SETD4: variants seen among roughly 807,000 people sequenced by gnomAD.
SETD4 encodes the protein SET domain containing 4.
SETD4 carries 46 observed loss-of-function variants against 58.3 expected under a neutral mutation model. The ratio of observed to expected loss-of-function variants is 0.79; its 90% confidence interval spans 0.62 to 1.01. SETD4 has a LOEUF of 1.01. SETD4 is among the 50% of genes least tolerant of loss of function. The pLI is 0.00. For missense variants in SETD4, 490 were observed against 523.3 expected (o/e 0.94, Z 0.62); for synonymous variants, 190 against 202.6 (o/e 0.94, Z 0.53).
intron 5 of SETD4, 108 bp from the exon 6 acceptor site, chr21:36,046,119 A>G: frequency 8.7e-7 from 1 of 1,150,848 alleles, no homozygotes; most frequent in South Asian, 1.6e-5. Context: ...CTGTCAACAC[A>G]CTCAGTTTAC....
chr21:36,036,466 T>C (rs1472869477), intron 10 of SETD4: 1 of 313,482 alleles, frequency 3.2e-6, no homozygotes, highest in East Asian at 1.7e-4. Context: ...TATTCCCCTC[T>C]TCCCCAAACC....
intron 9 of SETD4, among the ~76,000 whole-genome samples, chr21:36,038,623 T>C (rs2063895906): frequency 6.6e-6 from 1 of 150,458 alleles, no homozygotes; most frequent in South Asian, 2.1e-4. Flanking sequence ...GGAGGGCGAG[T>C]CCACAGCCGA....
At chr21:36,057,437 G>A in intron 2 of SETD4, 2 of 682,788 alleles carry the variant, frequency 2.9e-6, no homozygotes, top group Admixed American at 4.7e-5. Flanking sequence ...TTGAGGCCAG[G>A]AGTTTGAGCC....
In SETD4 at chr21:36,038,951, G is replaced by C. The variant is rs139543051; in HGVS notation, c.1065-678C>G. On this transcript the variant is annotated intron_variant, in intron 9 of 11. Transcript: ENST00000332131. ...AAAGAAGAACTACCGGGAGAAAGAC[G>C]ACGGAGGACCGGATTCTGAACACCG... is the stretch of plus-strand genomic sequence containing the variant. 2.6e-5 allele frequency among the ~76,000 whole-genome samples: 4 copies of C among 152,218 alleles called. 1 individual carries two copies. In the South Asian group the frequency reaches 8.3e-4, roughly 32 times the overall value.
intron 5 of SETD4, among the ~76,000 whole-genome samples, chr21:36,047,181 G>C (rs557874914): frequency 6.7e-4 from 102 of 152,228 alleles, no homozygotes; most frequent in African/African-American, 2.3e-3. Context: ...CTTGAACCCG[G>C]AAGGTGGAGG....
intron 3 of SETD4, among the ~76,000 whole-genome samples, chr21:36,054,106 T>C (rs1306780012): frequency 6.6e-6 from 1 of 152,088 alleles, no homozygotes; most frequent in Non-Finnish European, 1.5e-5. Context: ...CCTGCAGACA[T>C]CCTCCCCTCT....
At chr21:36,037,189 A>C (rs1470050410) in intron 10 of SETD4, among the ~76,000 whole-genome samples, 1 of 152,216 alleles carries the variant, frequency 6.6e-6, no homozygotes, top group African/African-American at 2.4e-5. Context: ...TCTCACCACA[A>C]AAAAAATAAG....
rs2064227929 is a variant in SETD4 at position 36,044,728 on chromosome 21, A to G, written c.727-772T>C. Among the ~76,000 whole-genome samples, 5 of 152,204 alleles carry G rather than the reference A, an allele frequency of 3.3e-5. No individual in the cohort carries two copies. The South Asian group carries it at 1.0e-3, about 32-fold the overall frequency. ...CCCTAAGCTCTGATCTCACGTAGAG[A>G]GCACGAAAGCTTAGCACGTGGGCTC... On this transcript the variant is annotated intron_variant, in intron 6 of 11. Coordinates refer to ENST00000332131, the MANE Select transcript of SETD4 (RefSeq NM_017438.5).
chr21:36,051,301 T>G (rs2835257), intron 4 of SETD4: 28,602 of 1,590,096 alleles, frequency 0.018, 847 homozygotes, highest in African/African-American at 0.13. Context: ...GAGCGAGAGC[T>G]GCTCACCAAA....
intron 2 of SETD4, chr21:36,057,477 TC>T: frequency 6.7e-6 from 4 of 593,932 alleles, no homozygotes. Context: ...AGACCCCATC[TC>T]TTAAAAAAAA....
Position 36,048,547 on chromosome 21 carries a change from C to T in SETD4, c.208-151G>A. 7.3e-6 allele frequency: 5 copies of T among 688,986 alleles called. 1 individual carries two copies. In the South Asian group the frequency reaches 8.5e-5, roughly 12 times the overall value. The allele number at this position is 688,986 out of a possible 1,614,324, so 42.7% of individuals were successfully genotyped here. Reference sequence around the variant, plus strand: ...ACCAATGAGCCTACCAATGGAGTCGCTCCCAACTCTGCGAGTCAGCAGATG... The same window carrying T: ...ACCAATGAGCCTACCAATGGAGTCGTTCCCAACTCTGCGAGTCAGCAGATG... On this transcript the variant is annotated intron_variant, in intron 4 of 11. Transcript: ENST00000332131.
At chr21:36,049,092 C>T (rs1244050093) in intron 4 of SETD4, among the ~76,000 whole-genome samples, 2 of 152,152 alleles carry the variant, frequency 1.3e-5, no homozygotes, top group East Asian at 1.9e-4. Flanking sequence ...CAGTAAGCGT[C>T]GAACTCTACC....
chr21:36,056,406 A>C (rs1442218769), intron 3 of SETD4, among the ~76,000 whole-genome samples: 2 of 152,186 alleles, frequency 1.3e-5, no homozygotes, highest in African/African-American at 2.4e-5. Context: ...GTGCTACAGC[A>C]GACTCCAAAT....
intron 7 of SETD4, chr21:36,042,113 C>T (rs559906831): frequency 6.0e-6 from 2 of 334,684 alleles, no homozygotes; most frequent in East Asian, 7.1e-5. Context: ...ACTAAACACG[C>T]ATAACCTCAG....
chr21:36,057,432 GCCAGGAGTTTGAGC>G lies in SETD4; in HGVS notation c.74-242_74-229del, dbSNP rs757679235. On this transcript the variant is annotated intron_variant, in intron 2 of 11. Transcript: ENST00000332131. ...GGCCAAGGCGGGAGGACTGCTTGAG[GCCAGGAGTTTGAGC>G]CCAGCCTGCCCAACACAGAAAGACC... 4.9e-5 allele frequency: 34 copies of G among 688,224 alleles called. No homozygotes were observed. In the African/African-American group the frequency reaches 5.4e-4, roughly 11 times the overall value. The allele number at this position is 688,224 out of a possible 1,614,324, so 42.6% of individuals were successfully genotyped here.
At position 36,046,020 on chromosome 21, in the gene SETD4, A is replaced by C. The variant is rs1296018606; in HGVS notation, c.297-9T>G. On this transcript the variant is annotated splice_polypyrimidine_tract_variant and intron_variant, in intron 5 of 11. Coordinates refer to ENST00000332131, the MANE Select transcript of SETD4 (RefSeq NM_017438.5). ...ATGGAGGAGGCTTCCACCTTTGAAA[A>C]TTAAAAGCCAGTTTAAAGGAATTAC... 1 of 1,602,244 alleles carries C rather than the reference A, an allele frequency of 6.2e-7. No homozygotes were observed. The highest frequency in any genetic ancestry group is 8.5e-7 in the Non-Finnish European group (1 of 1,176,050).
chr21:36,046,097 AGT>A (rs945265672), intron 5 of SETD4, 86 bp from the exon 6 acceptor site: 12 of 1,421,244 alleles, frequency 8.4e-6, no homozygotes, highest in Admixed American at 6.5e-5. Flanking sequence ...TGCCAGAAGG[AGT>A]GTGTTCAAAC....
Position 36,040,508 on chromosome 21 carries a change from A to C in SETD4, c.1064+67T>G, listed in dbSNP as rs368617986. 2.6e-4 allele frequency: 365 copies of C among 1,425,098 alleles called. 3 individuals are homozygous for C. The highest frequency in any genetic ancestry group is 1.5e-3 in the South Asian group (131 of 86,240). 88.3% of individuals were successfully genotyped at this position (1,425,098 alleles called of 1,614,324 possible). A position where few individuals can be genotyped will look rare whatever the true frequency, so the allele number is the denominator to read the frequency against. Reference sequence around the variant, plus strand: ...ATCTGAATGCAAGCCAAAAACAAACAAACCAACCCTCCAAAGTTATATCTA... The same window carrying C: ...ATCTGAATGCAAGCCAAAAACAAACCAACCAACCCTCCAAAGTTATATCTA... On this transcript the variant is annotated intron_variant, in intron 9 of 11. Transcript: ENST00000332131.
rs543174540 is a variant in SETD4 at position 36,052,328 on chromosome 21, C to T, written c.207+1255G>A. On this transcript the variant is annotated intron_variant, in intron 4 of 11. Coordinates refer to ENST00000332131, the MANE Select transcript of SETD4 (RefSeq NM_017438.5). ...TTGGGAGGCCAAGGCGGGCAGATCA[C>T]CTGAGGTCAGAAGTTCAAGACCAGC... Among the ~76,000 whole-genome samples, 59 of 151,270 alleles carry T rather than the reference C, an allele frequency of 3.9e-4. No individual in the cohort carries two copies. In the South Asian group the frequency reaches 0.012, roughly 31 times the overall value.
Sources: gnomAD v4.1 joint callset for allele counts (sites outside exome capture counted in the v4.1 genomes callset) on GRCh38, gnomAD v4.1.1 for gene constraint, MANE v1.5 for transcripts, NCBI Gene and HGNC (gene_info 2026-07-23, HGNC 2026-07-21) for gene names.